KNDC1: variants seen among roughly 807,000 people sequenced by gnomAD.
The protein encoded by KNDC1 is kinase non-catalytic C-lobe domain-containing protein 1.
Under a neutral mutation model 172.8 loss-of-function variants are expected in KNDC1, and 106 were observed. That is an observed-to-expected ratio of 0.61 (90% CI 0.52 to 0.72). The LOEUF is 0.72. Ranked by LOEUF, KNDC1 falls within the 30% of genes least tolerant of loss-of-function variation. The pLI is 0.00. For synonymous variants in KNDC1, 1,083 were observed against 1,062.2 expected (o/e 1.02, Z -0.38); for missense variants, 2,325 against 2,394.5 (o/e 0.97, Z 0.61).
At position 133,170,113 on chromosome 10, in the gene KNDC1, C is replaced by T. The variant is rs575200690; in HGVS notation, c.360+1801C>T. Among the ~76,000 whole-genome samples the T allele has an allele frequency of 5.6e-4, 86 of 152,342 alleles. 1 individual carries two copies. In the South Asian group the frequency reaches 0.014, roughly 25 times the overall value. ...TGGCACCTGCTGTGTGTTATCCCGT[C>T]GGGTGAAACGCTACATTTAAATCCC... is the stretch of plus-strand genomic sequence containing the variant. On this transcript the variant is annotated intron_variant, in intron 3 of 29. Coordinates refer to ENST00000304613, the MANE Select transcript of KNDC1 (RefSeq NM_152643.8).
intron 3 of KNDC1, among the ~76,000 whole-genome samples, chr10:133,168,935 G>C (rs543668355): frequency 7.9e-5 from 12 of 152,366 alleles, no homozygotes; most frequent in African/African-American, 2.9e-4. Context: ...GTCAGCACCT[G>C]TGTGGCCGGC....
intron 29 of KNDC1, among the ~76,000 whole-genome samples, chr10:133,222,422 C>G (rs991551911): frequency 1.3e-5 from 2 of 149,064 alleles, no homozygotes; most frequent in Non-Finnish European, 3.0e-5. Context: ...TGTGTGAGAG[C>G]CCATCCAGGC....
At chr10:133,168,802 G>A (rs1236569224) in intron 3 of KNDC1, among the ~76,000 whole-genome samples, 1 of 152,182 alleles carries the variant, frequency 6.6e-6, no homozygotes, top group Non-Finnish European at 1.5e-5. Context: ...GTGGGCATGG[G>A]CCACCCTGGG....
intron 1 of KNDC1, among the ~76,000 whole-genome samples, chr10:133,162,671 C>T (rs999898829): frequency 5.9e-5 from 9 of 152,268 alleles, no homozygotes; most frequent in Non-Finnish European, 1.3e-4. Context: ...TTCCCAAGAC[C>T]GCCAGGCTGG....
intron 23 of KNDC1, 111 bp downstream of exon 23, chr10:133,211,969 G>A: frequency 9.5e-7 from 1 of 1,048,816 alleles, no homozygotes; most frequent in Non-Finnish European, 1.4e-6. Flanking sequence ...AAGTGCAAAT[G>A]GGCACAGCTG....
intron 3 of KNDC1, among the ~76,000 whole-genome samples, chr10:133,182,611 C>T (rs1391646917): frequency 6.6e-6 from 1 of 152,254 alleles, no homozygotes; most frequent in East Asian, 1.9e-4. Context: ...CAGGGTGGAC[C>T]TCGTGCAGAG....
chr10:133,197,286 G>A, intron 11 of KNDC1, 151 bp downstream of exon 11: 1 of 668,812 alleles, frequency 1.5e-6, no homozygotes, highest in Non-Finnish European at 2.7e-6. Flanking sequence ...TGGGGGTGCA[G>A]GGGGACACTC....
Position 133,225,268 on chromosome 10 carries a change from C to A in KNDC1, c.*378C>A. Reference sequence around the variant, plus strand: ...TCCCCCACAAAACAGCAACAGCCTCCACCGCCAACTCAACAAACTTCAGAG... The same window carrying A: ...TCCCCCACAAAACAGCAACAGCCTCAACCGCCAACTCAACAAACTTCAGAG... On this transcript the variant is annotated 3_prime_UTR_variant, in exon 30 of 30. Transcript: ENST00000304613. 4.1e-6 allele frequency: 1 copy of A among 241,950 alleles called. No individual in the cohort carries two copies. Among genetic ancestry groups the A allele is most frequent in the South Asian group, 5.1e-5 (1 of 19,750 alleles). The allele number at this position is 241,950 out of a possible 1,614,324, so 15.0% of individuals were successfully genotyped here.
chr10:133,196,330 C>T (rs774699115), intron 10 of KNDC1, among the ~76,000 whole-genome samples: 2 of 152,144 alleles, frequency 1.3e-5, no homozygotes, highest in African/African-American at 2.4e-5. Flanking sequence ...GACCTGCACC[C>T]GCACCCGGCA....
intron 29 of KNDC1, among the ~76,000 whole-genome samples, chr10:133,223,947 G>T (rs1845666218): frequency 7.1e-6 from 1 of 140,956 alleles, no homozygotes; most frequent in African/African-American, 2.6e-5. Context: ...GTGTGTGTGT[G>T]TGTGAGCCCA....
chr10:133,173,535 G>A (rs1233359729), intron 3 of KNDC1, among the ~76,000 whole-genome samples: 2 of 151,922 alleles, frequency 1.3e-5, no homozygotes, highest in African/African-American at 4.8e-5. Flanking sequence ...TAGCCCCTGA[G>A]TTATTTTAAC....
intron 6 of KNDC1, among the ~76,000 whole-genome samples, chr10:133,187,670 T>C (rs755725636): frequency 3.9e-5 from 6 of 152,074 alleles, no homozygotes; most frequent in Non-Finnish European, 5.9e-5. Context: ...TGTTGGAGGG[T>C]GGACTTTGGT....
At chr10:133,221,818 T>C in intron 29 of KNDC1, among the ~76,000 whole-genome samples, 1 of 137,616 alleles carries the variant, frequency 7.3e-6, no homozygotes, top group Non-Finnish European at 1.6e-5. Context: ...GGCTCACGCC[T>C]GTAACCCTAG....
intron 1 of KNDC1, among the ~76,000 whole-genome samples, 174 bp downstream of exon 1, chr10:133,160,743 G>A (rs1017119607): frequency 5.3e-5 from 8 of 152,286 alleles, no homozygotes; most frequent in Admixed American, 2.0e-4. Context: ...ACCCGGAGGG[G>A]ACAGCACCCC....
intron 4 of KNDC1, 52 bp from the exon 5 acceptor site, chr10:133,183,820 G>A (rs1346378352): frequency 5.0e-6 from 7 of 1,388,378 alleles, no homozygotes; most frequent in Admixed American, 2.1e-5. Context: ...GGGTGGCTGC[G>A]GGAGATGGCC....
At chr10:133,218,071 A>C (rs1845504097) in intron 26 of KNDC1, among the ~76,000 whole-genome samples, 2 of 152,138 alleles carry the variant, frequency 1.3e-5, no homozygotes, top group East Asian at 3.9e-4. Context: ...AAAAAAAAAA[A>C]AAAAAGAGTC....
At position 133,166,449 on chromosome 10, in the gene KNDC1, G is replaced by A. The variant is rs376915258; in HGVS notation, c.103-932G>A. ...GCACCAAGTGTGGGAATGGGTGTGT[G>A]CGGGTGTGCATGTCTGTGCGTGCAT... On this transcript the variant is annotated intron_variant, in intron 1 of 29. Transcript: ENST00000304613. 2.8e-3 allele frequency among the ~76,000 whole-genome samples: 412 copies of A among 148,678 alleles called. 5 individuals carry two copies. Among genetic ancestry groups the A allele is most frequent in the Middle Eastern group, 0.014 (4 of 284 alleles).
At chr10:133,166,499 G>A (rs1051767289) in intron 1 of KNDC1, among the ~76,000 whole-genome samples, 5 of 152,144 alleles carry the variant, frequency 3.3e-5, no homozygotes, top group Non-Finnish European at 7.4e-5. Context: ...GCATGTGTGC[G>A]GTGGCATGTA....
chr10:133,168,533 G>A (rs1363269257), intron 3 of KNDC1, among the ~76,000 whole-genome samples: 1 of 151,900 alleles, frequency 6.6e-6, no homozygotes, highest in East Asian at 1.9e-4. Context: ...CGGACTGTGG[G>A]TTCTGTGGGC....
Sources: gnomAD v4.1 joint callset for allele counts (sites outside exome capture counted in the v4.1 genomes callset) on GRCh38, gnomAD v4.1.1 for gene constraint, MANE v1.5 for transcripts, NCBI Gene and HGNC (gene_info 2026-07-23, HGNC 2026-07-21) for gene names.